Variants in NKAIN3 observed in about 807,000 individuals in gnomAD.
NKAIN3 encodes the protein sodium/potassium-transporting ATPase subunit beta-1-interacting protein 3.
NKAIN3 carries 25 observed loss-of-function variants against 30.2 expected under a neutral mutation model. The observed-to-expected ratio is 0.83, with a 90% confidence interval of 0.60 to 1.16. The LOEUF (loss-of-function observed/expected upper bound fraction) is 1.16, where lower values mean the gene tolerates loss of function less well. NKAIN3 is among the 50% of genes most tolerant of loss of function. The probability of loss-of-function intolerance (pLI) is 0.00; values close to 1 mark genes in which losing one functional copy is unlikely to be tolerated. For missense variants in NKAIN3, 225 were observed against 254.1 expected (o/e 0.89, Z 0.78); for synonymous variants, 91 against 89.6 (o/e 1.02, Z -0.09).
chr8:62,803,538 C>T (rs1489198233), intron 4 of NKAIN3, among the ~76,000 whole-genome samples: 2 of 152,036 alleles, frequency 1.3e-5, no homozygotes, highest in Admixed American at 6.5e-5. Flanking sequence ...GAAATGAAGG[C>T]AGAAATAAAG....
chr8:62,316,736 CAT>C (rs1814648745), intron 1 of NKAIN3, among the ~76,000 whole-genome samples: 1 of 152,126 alleles, frequency 6.6e-6, no homozygotes, highest in Non-Finnish European at 1.5e-5. Flanking sequence ...CCACAATAAA[CAT>C]ATGTGTGCGT....
At chr8:62,589,881 GT>G in intron 3 of NKAIN3, 87 bp downstream of exon 3, 1 of 92,208 alleles carries the variant, frequency 1.1e-5, no homozygotes, top group South Asian at 1.7e-4. Context: ...TATATTGTGT[GT>G]GTGTGTGTGT....
intron 1 of NKAIN3, among the ~76,000 whole-genome samples, chr8:62,333,543 C>T (rs529426090): frequency 3.9e-5 from 6 of 152,144 alleles, no homozygotes; most frequent in East Asian, 1.9e-4. Flanking sequence ...TCACATTTCT[C>T]TCGTTGTTTT....
chr8:62,284,356 G>A (rs775315220), intron 1 of NKAIN3, among the ~76,000 whole-genome samples: 33 of 152,054 alleles, frequency 2.2e-4, no homozygotes, highest in African/African-American at 6.5e-4. Flanking sequence ...GTACCCAGGC[G>A]CGGTGGCTTA....
downstream of NKAIN3, among the ~76,000 whole-genome samples, chr8:62,989,251 G>T (rs968082455): frequency 2.0e-5 from 3 of 152,164 alleles, no homozygotes; most frequent in African/African-American, 7.2e-5. Flanking sequence ...CCTTTACAGA[G>T]GTGCACCACC....
chr8:62,873,820 G>T lies in NKAIN3; in HGVS notation c.472-44633G>T, dbSNP rs182971126. 1.7e-3 allele frequency among the ~76,000 whole-genome samples: 251 copies of T among 152,092 alleles called. 4 individuals are homozygous for T. Among genetic ancestry groups the T allele is most frequent in the Non-Finnish European group, 2.4e-3 (164 of 68,010 alleles). On this transcript the variant is annotated intron_variant, in intron 4 of 6. Coordinates refer to ENST00000623646, the MANE Select transcript of NKAIN3 (RefSeq NM_001304533.3). Reference sequence around the variant, plus strand: ...AGAGGCAATATACCAGAATCTCTGGGTTATGGCTAAAGCAGTGTTAACAGG... The same window carrying T: ...AGAGGCAATATACCAGAATCTCTGGTTTATGGCTAAAGCAGTGTTAACAGG...
At chr8:62,934,467 A>C (rs1456922342) in intron 5 of NKAIN3, among the ~76,000 whole-genome samples, 1 of 152,080 alleles carries the variant, frequency 6.6e-6, no homozygotes, top group Non-Finnish European at 1.5e-5. Context: ...TTTATCTGTT[A>C]GGGGAGGGCT....
At chr8:62,281,680 T>C (rs377541014) in intron 1 of NKAIN3, among the ~76,000 whole-genome samples, 1 of 152,150 alleles carries the variant, frequency 6.6e-6, no homozygotes, top group African/African-American at 2.4e-5. Flanking sequence ...TGTAGTTGAG[T>C]GGTTTTGAGT....
At chr8:62,904,225 G>T (rs1821706659) in intron 4 of NKAIN3, among the ~76,000 whole-genome samples, 1 of 152,136 alleles carries the variant, frequency 6.6e-6, no homozygotes. Flanking sequence ...GATGAAAACT[G>T]CTGTATCAGT....
intron 4 of NKAIN3, among the ~76,000 whole-genome samples, chr8:62,807,878 G>A (rs1468562417): frequency 6.6e-6 from 1 of 150,394 alleles, no homozygotes; most frequent in Admixed American, 6.6e-5. Context: ...TATTGTTTAA[G>A]GTATAAAAAT....
At chr8:62,766,844 A>G (rs1428980247) in intron 4 of NKAIN3, among the ~76,000 whole-genome samples, 1 of 152,136 alleles carries the variant, frequency 6.6e-6, no homozygotes. Flanking sequence ...TAAACCTATG[A>G]CATTCCAGGA....
downstream of NKAIN3, among the ~76,000 whole-genome samples, chr8:62,988,266 G>A (rs141086587): frequency 4.8e-4 from 73 of 152,276 alleles, no homozygotes; most frequent in African/African-American, 1.7e-3. Context: ...CTACCATTCT[G>A]GGGTCTGAAG....
chr8:62,788,803 A>C (rs1817609158), intron 4 of NKAIN3, among the ~76,000 whole-genome samples: 1 of 151,892 alleles, frequency 6.6e-6, no homozygotes, highest in Admixed American at 6.6e-5. Flanking sequence ...TCTTTTCCCC[A>C]TTGCTTGTTT....
intron 5 of NKAIN3, among the ~76,000 whole-genome samples, chr8:62,924,220 T>A (rs1484528356): frequency 1.3e-5 from 2 of 152,310 alleles, no homozygotes; most frequent in East Asian, 3.9e-4. Flanking sequence ...CACTAACTTA[T>A]ATACACCCTT....
chr8:62,503,121 A>G (rs776785938), intron 1 of NKAIN3, among the ~76,000 whole-genome samples: 6 of 152,276 alleles, frequency 3.9e-5, no homozygotes, highest in Non-Finnish European at 7.4e-5. Context: ...CCCACTCCCA[A>G]TATTTCAACA....
intron 5 of NKAIN3, among the ~76,000 whole-genome samples, chr8:62,943,702 T>C (rs1368749470): frequency 1.3e-5 from 2 of 149,722 alleles, no homozygotes; most frequent in East Asian, 1.9e-4. Context: ...TGTGTGTGTA[T>C]ATATATAAAG....
At chr8:62,308,852 C>T (rs1275588658) in intron 1 of NKAIN3, among the ~76,000 whole-genome samples, 1 of 150,508 alleles carries the variant, frequency 6.6e-6, no homozygotes, top group African/African-American at 2.5e-5. Context: ...TTGCATTTTA[C>T]AGCTGAAGGG....
intron 3 of NKAIN3, among the ~76,000 whole-genome samples, chr8:62,622,171 G>C (rs925493150): frequency 6.6e-6 from 1 of 151,938 alleles, no homozygotes; most frequent in Non-Finnish European, 1.5e-5. Context: ...ATGTGCCATG[G>C]TTTGTTTAAC....
intron 5 of NKAIN3, among the ~76,000 whole-genome samples, chr8:62,919,150 T>C (rs938467755): frequency 1.3e-5 from 2 of 151,616 alleles, no homozygotes; most frequent in Non-Finnish European, 2.9e-5. Context: ...ATGACTTTCA[T>C]TGAGTACCTG....
Sources: allele counts gnomAD v4.1 joint callset (sites outside exome capture counted in the v4.1 genomes callset), GRCh38; gene constraint gnomAD v4.1.1; transcripts MANE v1.5; gene names NCBI Gene and HGNC (gene_info 2026-07-23, HGNC 2026-07-21).